LGSN: variants seen among roughly 807,000 people sequenced by gnomAD.
LGSN encodes the protein lengsin, lens protein with glutamine synthetase domain.
Under a neutral mutation model 19.5 loss-of-function variants are expected in LGSN, and 21 were observed. The observed-to-expected ratio is 1.07, with a 90% CI of 0.76 to 1.55. The LOEUF is 1.55. Among genes scored for constraint, LGSN ranks in the 40% most tolerant of loss-of-function variants. The probability of loss-of-function intolerance (pLI) is 0.00; values close to 1 mark genes in which losing one functional copy is unlikely to be tolerated. For missense variants in LGSN, 673 were observed against 608.5 expected (o/e 1.11, Z -1.12); for synonymous variants, 257 against 215.6 (o/e 1.19, Z -1.68).
At chr6:63,402,900 A>C in the LGSN span, among the ~76,000 whole-genome samples, 1 of 152,146 alleles carries the variant, frequency 6.6e-6, no homozygotes, top group African/African-American at 2.4e-5. Context: ...CTTAGAAAAA[A>C]ACTGAGGTCC....
chr6:63,486,682 C>CTTTTTTTTTTTTTTTTT, the LGSN span, among the ~76,000 whole-genome samples: 1 of 115,850 alleles, frequency 8.6e-6, no homozygotes, highest in Non-Finnish European at 1.7e-5. Flanking sequence ...TTATTTTCTT[C>CTTTTTTTTTTTTTTTTT]TTTTTTTTTT....
At chr6:63,287,406 A>C (rs1562006810) in intron 2 of LGSN, among the ~76,000 whole-genome samples, 1 of 152,188 alleles carries the variant, frequency 6.6e-6, no homozygotes, top group African/African-American at 2.4e-5. Flanking sequence ...AAAATATGGA[A>C]ATTTGGGTCA....
At chr6:63,509,832 G>A in the LGSN span, among the ~76,000 whole-genome samples, 447 of 152,320 alleles carry the variant, frequency 2.9e-3, 11 homozygotes, top group Admixed American at 0.022. Context: ...AAGGCCCCGG[G>A]TTAGTCGCAG....
chr6:63,555,021 C>T, the LGSN span, among the ~76,000 whole-genome samples: 2 of 152,160 alleles, frequency 1.3e-5, no homozygotes, highest in African/African-American at 4.8e-5. Context: ...TGGCTGATAT[C>T]AGAACACAGC....
In LGSN at chr6:63,301,731, G is replaced by A. The variant is rs544050708; in HGVS notation, c.31-6686C>T. On this transcript the variant is annotated intron_variant, in intron 1 of 3. Coordinates refer to ENST00000370657, the MANE Select transcript of LGSN (RefSeq NM_016571.3). ...GTATTAATAAGAGTGAAAGATGTTC[G>A]TCCACCTTTTGAGTAAAATGCAAAG... Among the ~76,000 whole-genome samples the A allele has an allele frequency of 3.3e-4, 50 of 152,204 alleles. 2 individuals are homozygous for A. In the South Asian group the frequency reaches 7.3e-3, roughly 22 times the overall value.
chr6:63,412,771 G>GAAAGAAAGAGAAA, the LGSN span, among the ~76,000 whole-genome samples: 48 of 34,288 alleles, frequency 1.4e-3, 1 homozygote, highest in Non-Finnish European at 1.9e-3. Context: ...AAGAAAGAAA[G>GAAAGAAAGAGAAA]GAAGGAAGGG....
the LGSN span, among the ~76,000 whole-genome samples, chr6:63,538,678 G>T: frequency 6.6e-6 from 1 of 152,116 alleles, no homozygotes; most frequent in East Asian, 1.9e-4. Flanking sequence ...ATGAAAATGT[G>T]CTTTAGTTTT....
chr6:63,395,536 C>T, the LGSN span: 2 of 152,368 alleles, frequency 1.3e-5, no homozygotes, highest in South Asian at 2.1e-4. Flanking sequence ...AGTCTCCTCC[C>T]GACCCTTGAT....
chr6:63,346,959 A>G, the LGSN span, among the ~76,000 whole-genome samples: 1 of 152,322 alleles, frequency 6.6e-6, no homozygotes, highest in Admixed American at 6.5e-5. Context: ...CTGGCGAAGT[A>G]TGAAAGTTCC....
the LGSN span, among the ~76,000 whole-genome samples, chr6:63,338,130 C>T: frequency 6.6e-6 from 1 of 152,184 alleles, no homozygotes; most frequent in East Asian, 1.9e-4. Flanking sequence ...AGGTGATCAC[C>T]TTGCCTTGGT....
the LGSN span, among the ~76,000 whole-genome samples, chr6:63,367,161 G>C: frequency 3.2e-3 from 480 of 152,230 alleles, 7 homozygotes; most frequent in Admixed American, 0.022. Context: ...GCAACCTACA[G>C]AATGGGAGAA....
chr6:63,335,142 C>CAAAA, the LGSN span, among the ~76,000 whole-genome samples: 3 of 81,890 alleles, frequency 3.7e-5, no homozygotes, highest in African/African-American at 3.9e-5. Flanking sequence ...GACTCCATCT[C>CAAAA]AAAAAAAAAA....
chr6:63,433,413 A>C, the LGSN span, among the ~76,000 whole-genome samples: 2 of 152,206 alleles, frequency 1.3e-5, no homozygotes, highest in East Asian at 3.9e-4. Context: ...CAAGTTGCCT[A>C]AAGTCTCCCA....
chr6:63,451,810 C>A, the LGSN span, among the ~76,000 whole-genome samples: 1 of 151,908 alleles, frequency 6.6e-6, no homozygotes, highest in South Asian at 2.1e-4. Context: ...ATATCTTATG[C>A]ATCAATTGAG....
At chr6:63,380,130 G>A in the LGSN span, among the ~76,000 whole-genome samples, 1 of 152,096 alleles carries the variant, frequency 6.6e-6, no homozygotes, top group Non-Finnish European at 1.5e-5. Flanking sequence ...GAGCCACCAC[G>A]CCCGGCCTCA....
the LGSN span, among the ~76,000 whole-genome samples, chr6:63,515,377 A>C: frequency 6.6e-5 from 10 of 151,918 alleles, no homozygotes; most frequent in Admixed American, 6.6e-4. Flanking sequence ...GATTACAGGC[A>C]CCCACCACCA....
intron 2 of LGSN, among the ~76,000 whole-genome samples, chr6:63,286,587 G>C (rs1477073122): frequency 6.6e-6 from 1 of 152,142 alleles, no homozygotes; most frequent in Non-Finnish European, 1.5e-5. Context: ...ATTGAAACTA[G>C]AATGCAGACT....
chr6:63,471,989 T>C, the LGSN span, among the ~76,000 whole-genome samples: 1 of 152,234 alleles, frequency 6.6e-6, no homozygotes, highest in Non-Finnish European at 1.5e-5. Flanking sequence ...ATCTCACTTC[T>C]GTTTTATCCA....
At chr6:63,346,216 A>T in the LGSN span, among the ~76,000 whole-genome samples, 1 of 151,824 alleles carries the variant, frequency 6.6e-6, no homozygotes, top group African/African-American at 2.4e-5. Context: ...TGTTTTAATG[A>T]GGCAACTCTT....
Sources: gnomAD v4.1 joint callset for allele counts (sites outside exome capture counted in the v4.1 genomes callset) on GRCh38, gnomAD v4.1.1 for gene constraint, MANE v1.5 for transcripts, NCBI Gene and HGNC (gene_info 2026-07-23, HGNC 2026-07-21) for gene names.